SOX6: variants seen among roughly 807,000 people sequenced by gnomAD.
The protein encoded by SOX6 is transcription factor SOX-6.
In SOX6, 11 loss-of-function variants were observed where a neutral mutation model predicts 97.8. The observed-to-expected ratio is 0.11, with a 90% CI of 0.07 to 0.19. SOX6 has a LOEUF of 0.19. Ranked by LOEUF, SOX6 falls within the 10% of genes least tolerant of loss-of-function variation. The pLI, the probability that SOX6 is intolerant of heterozygous loss-of-function variation, is 1.00. For missense variants in SOX6, 810 were observed against 1,039.5 expected, an observed-to-expected ratio of 0.78 and a Z score of 3.04; for synonymous variants, 360 against 371.4, an observed-to-expected ratio of 0.97 and a Z score of 0.35.
chr11:16,624,050 C>T (rs1480592243), intron 3 of SOX6, among the ~76,000 whole-genome samples: 1 of 152,122 alleles, frequency 6.6e-6, no homozygotes, highest in Admixed American at 6.6e-5. Flanking sequence ...TTTGCCTATT[C>T]TTGTTCATTA....
chr11:16,675,454 G>A (rs1053436257), intron 3 of SOX6, among the ~76,000 whole-genome samples: 9 of 152,218 alleles, frequency 5.9e-5, no homozygotes, highest in African/African-American at 2.2e-4. Flanking sequence ...TCCAGCCATA[G>A]ATATACAATT....
intron 4 of SOX6, among the ~76,000 whole-genome samples, chr11:16,553,356 T>C (rs145718010): frequency 2.3e-4 from 35 of 152,308 alleles, no homozygotes; most frequent in African/African-American, 8.4e-4. Context: ...TTCAATTATA[T>C]GCAAATTAAG....
intron 15 of SOX6, among the ~76,000 whole-genome samples, chr11:15,976,548 T>C (rs1853492162): frequency 6.6e-6 from 1 of 151,878 alleles, no homozygotes; most frequent in Non-Finnish European, 1.5e-5. Context: ...ACCAAGGAAA[T>C]GACAAGGTAA....
At chr11:16,121,676 C>A (rs1287286331) in intron 6 of SOX6, among the ~76,000 whole-genome samples, 1 of 151,686 alleles carries the variant, frequency 6.6e-6, no homozygotes, top group East Asian at 1.9e-4. Flanking sequence ...GGTCTACACC[C>A]CAGAAAAAAA....
At chr11:16,008,250 T>C (rs1854614315) in intron 13 of SOX6, among the ~76,000 whole-genome samples, 1 of 152,122 alleles carries the variant, frequency 6.6e-6, no homozygotes, top group South Asian at 2.1e-4. Flanking sequence ...TGTGTGAATA[T>C]TTTTTATCTA....
At chr11:16,362,083 G>T (rs1857223272) in intron 1 of SOX6, among the ~76,000 whole-genome samples, 1 of 152,136 alleles carries the variant, frequency 6.6e-6, no homozygotes, top group Non-Finnish European at 1.5e-5. Flanking sequence ...AGGAAGTGGT[G>T]AAACCTAAAA....
chr11:16,297,979 ACTTT>A (rs1463670341), intron 3 of SOX6, among the ~76,000 whole-genome samples: 2 of 152,014 alleles, frequency 1.3e-5, no homozygotes, highest in African/African-American at 4.8e-5. Flanking sequence ...TCACTTTTTT[ACTTT>A]CTTTTTCTTT....
chr11:16,043,957 A>T (rs1855752960), intron 12 of SOX6, among the ~76,000 whole-genome samples: 1 of 152,172 alleles, frequency 6.6e-6, no homozygotes, highest in Admixed American at 6.5e-5. Flanking sequence ...CTGAATGGCC[A>T]TGGCAGCCTG....
intron 1 of SOX6, among the ~76,000 whole-genome samples, chr11:16,427,982 CCAG>C (rs1302942564): frequency 5.3e-5 from 8 of 152,306 alleles, no homozygotes; most frequent in Admixed American, 5.2e-4. Context: ...CACATCCTCT[CCAG>C]CACCTGTTGT....
At chr11:16,167,404 C>T (rs955266382) in intron 6 of SOX6, among the ~76,000 whole-genome samples, 4 of 152,110 alleles carry the variant, frequency 2.6e-5, no homozygotes, top group Admixed American at 6.6e-5. Context: ...CCTCCTTCTA[C>T]CCTTCCACCC....
At chr11:16,567,553 A>ATTTTTTCTTTT (rs1565182421) in intron 4 of SOX6, among the ~76,000 whole-genome samples, 8 of 107,064 alleles carry the variant, frequency 7.5e-5, no homozygotes, top group Admixed American at 3.4e-4. Context: ...GGTATGTCAT[A>ATTTTTTCTTTT]TTTTTTTCTT....
At chr11:16,361,276 A>G (rs1301542996), upstream of SOX6, among the ~76,000 whole-genome samples, 1 of 152,152 alleles carries the variant, frequency 6.6e-6, no homozygotes, top group Non-Finnish European at 1.5e-5. Flanking sequence ...CTACTTTACA[A>G]TAAAACCTTC....
At chr11:16,470,346 C>CA (rs1298306022) in intron 1 of SOX6, among the ~76,000 whole-genome samples, 1 of 152,128 alleles carries the variant, frequency 6.6e-6, no homozygotes, top group Non-Finnish European at 1.5e-5. Context: ...CAGATATTCT[C>CA]ACTGAGGGAT....
intron 7 of SOX6, among the ~76,000 whole-genome samples, chr11:16,102,909 AACC>A (rs1247646384): frequency 1.3e-5 from 2 of 152,114 alleles, no homozygotes; most frequent in Non-Finnish European, 2.9e-5. Flanking sequence ...TAAGACCTGA[AACC>A]ATAAAGATTC....
chr11:16,632,112 A>G (rs908368546), intron 3 of SOX6, among the ~76,000 whole-genome samples: 8 of 152,060 alleles, frequency 5.3e-5, no homozygotes, highest in African/African-American at 1.9e-4. Flanking sequence ...ATTGCTAGAG[A>G]GCTAATGTGA....
chr11:16,673,747 CT>C (rs1847863899), intron 3 of SOX6, among the ~76,000 whole-genome samples: 1 of 152,134 alleles, frequency 6.6e-6, no homozygotes, highest in South Asian at 2.1e-4. Flanking sequence ...TACTTCCAAA[CT>C]CATTATATGA....
intron 6 of SOX6, among the ~76,000 whole-genome samples, chr11:16,152,344 G>C (rs1850480493): frequency 6.6e-6 from 1 of 152,120 alleles, no homozygotes; most frequent in South Asian, 2.1e-4. Context: ...CCCACAGACA[G>C]CTCTGTTCAG....
At chr11:16,028,543 G>T (rs754170611) in intron 12 of SOX6, among the ~76,000 whole-genome samples, 4 of 152,146 alleles carry the variant, frequency 2.6e-5, no homozygotes, top group Non-Finnish European at 5.9e-5. Flanking sequence ...GAACAATGAT[G>T]GGTACATTAT....
chr11:16,274,872 T>A (rs993312094), intron 3 of SOX6, among the ~76,000 whole-genome samples: 1 of 152,154 alleles, frequency 6.6e-6, no homozygotes, highest in Non-Finnish European at 1.5e-5. Flanking sequence ...AATTCTCACC[T>A]TATTATTATG....
Sources: allele counts gnomAD v4.1 joint callset (sites outside exome capture counted in the v4.1 genomes callset), GRCh38; gene constraint gnomAD v4.1.1; transcripts MANE v1.5; gene names NCBI Gene and HGNC (gene_info 2026-07-23, HGNC 2026-07-21).